The following STPG2 variants were observed in gnomAD, a reference collection of about 807,000 sequenced individuals.
STPG2 encodes sperm tail PG-rich repeat containing 2.
Under a neutral mutation model 54.2 loss-of-function variants are expected in STPG2, and 56 were observed. The observed-to-expected ratio is 1.03, with a 90% confidence interval of 0.83 to 1.29. STPG2 has a LOEUF of 1.29. Among genes scored for constraint, STPG2 ranks in the 50% most tolerant of loss-of-function variants. STPG2 has a pLI of 0.00. For missense variants in STPG2, 596 were observed against 544.9 expected (o/e 1.09, Z -0.93); for synonymous variants, 200 against 181.8 (o/e 1.10, Z -0.81).
At chr4:97,697,816 G>C (rs1384542831) in intron 10 of STPG2, among the ~76,000 whole-genome samples, 1 of 152,206 alleles carries the variant, frequency 6.6e-6, no homozygotes, top group Non-Finnish European at 1.5e-5. Flanking sequence ...ACAAGCAATT[G>C]CATGAGTTAT....
chr4:97,664,127 T>C (rs927649046), intron 10 of STPG2, among the ~76,000 whole-genome samples: 2 of 152,216 alleles, frequency 1.3e-5, no homozygotes, highest in Non-Finnish European at 2.9e-5. Context: ...CATTACTATA[T>C]AGCAGTCCTT....
intron 8 of STPG2, among the ~76,000 whole-genome samples, chr4:97,862,566 G>T (rs1304410617): frequency 2.6e-5 from 4 of 152,000 alleles, no homozygotes; most frequent in Admixed American, 2.6e-4. Context: ...GGATATCCAG[G>T]AATTGAATTC....
At chr4:97,822,404 G>C (rs996003142) in intron 9 of STPG2, among the ~76,000 whole-genome samples, 9 of 152,056 alleles carry the variant, frequency 5.9e-5, no homozygotes, top group Non-Finnish European at 1.2e-4. Context: ...TCATCTTTCT[G>C]TCTTCTTCTA....
chr4:98,052,461 T>G (rs1392070803), intron 5 of STPG2, among the ~76,000 whole-genome samples: 1 of 152,220 alleles, frequency 6.6e-6, no homozygotes, highest in Admixed American at 6.5e-5. Context: ...CTAGCCACTG[T>G]TAATATTTTG....
At chr4:97,905,083 T>C (rs992473206) in intron 8 of STPG2, among the ~76,000 whole-genome samples, 1 of 151,746 alleles carries the variant, frequency 6.6e-6, no homozygotes, top group African/African-American at 2.4e-5. Context: ...AGGCCAACAT[T>C]CAGATTCAGG....
intron 7 of STPG2, among the ~76,000 whole-genome samples, chr4:97,949,001 A>AATGGGGTGTTG (rs1395871852): frequency 6.6e-6 from 1 of 152,118 alleles, no homozygotes; most frequent in African/African-American, 2.4e-5. Flanking sequence ...TACTGCTGTC[A>AATGGGGTGTTG]ATGGGGTGTT....
At chr4:97,748,323 T>C (rs1181856966) in intron 9 of STPG2, among the ~76,000 whole-genome samples, 1 of 151,594 alleles carries the variant, frequency 6.6e-6, no homozygotes, top group African/African-American at 2.4e-5. Context: ...TTAAACAATT[T>C]AGTGAAAAGG....
intron 4 of STPG2, among the ~76,000 whole-genome samples, chr4:97,486,195 C>A (rs1019819951): frequency 6.6e-6 from 1 of 151,816 alleles, no homozygotes; most frequent in Non-Finnish European, 1.5e-5. Context: ...AACTAAAGAG[C>A]TTTTGCTTGG....
chr4:97,757,200 CA>C (rs1725757261), intron 9 of STPG2, among the ~76,000 whole-genome samples: 1 of 152,146 alleles, frequency 6.6e-6, no homozygotes, highest in South Asian at 2.1e-4. Flanking sequence ...CTCTTATTTA[CA>C]ATTCAAGTCC....
At chr4:97,477,678 G>A (rs1022612902) in intron 4 of STPG2, among the ~76,000 whole-genome samples, 9 of 150,488 alleles carry the variant, frequency 6.0e-5, no homozygotes, top group African/African-American at 2.0e-4. Flanking sequence ...TTTTAGTAGA[G>A]ATGGGGTTTC....
chr4:97,859,972 T>C (rs1729464800), intron 8 of STPG2, among the ~76,000 whole-genome samples: 1 of 152,226 alleles, frequency 6.6e-6, no homozygotes, highest in African/African-American at 2.4e-5. Flanking sequence ...CATCATTTGT[T>C]GAGCAGGGTT....
intron 10 of STPG2, among the ~76,000 whole-genome samples, chr4:97,566,900 G>A (rs1202477115): frequency 7.1e-6 from 1 of 141,332 alleles, no homozygotes; most frequent in Non-Finnish European, 1.5e-5. Context: ...TGGGAGGGGG[G>A]AGGGATAGCT....
At chr4:97,637,559 G>C (rs1292308557) in intron 10 of STPG2, among the ~76,000 whole-genome samples, 3 of 152,154 alleles carry the variant, frequency 2.0e-5, no homozygotes, top group Non-Finnish European at 4.4e-5. Flanking sequence ...AATTGTCCCT[G>C]TTTGCTGATG....
intron 10 of STPG2, among the ~76,000 whole-genome samples, chr4:97,662,257 A>T (rs1211579619): frequency 4.6e-5 from 7 of 152,164 alleles, no homozygotes; most frequent in Non-Finnish European, 8.8e-5. Flanking sequence ...ACACACAAGC[A>T]GCCAACAAAC....
intron 10 of STPG2, among the ~76,000 whole-genome samples, chr4:97,704,763 T>A (rs985805841): frequency 2.0e-5 from 3 of 152,070 alleles, no homozygotes; most frequent in African/African-American, 7.2e-5. Context: ...TAAAAGTGAG[T>A]TTGTAAACGG....
intron 5 of STPG2, among the ~76,000 whole-genome samples, chr4:98,066,649 A>G (rs868653703): frequency 2.6e-5 from 4 of 152,190 alleles, no homozygotes; most frequent in Admixed American, 2.0e-4. Flanking sequence ...ATCTAACAAG[A>G]AAATATATCT....
chr4:97,946,408 ATTTG>A (rs1231639034), intron 7 of STPG2, among the ~76,000 whole-genome samples: 1 of 151,974 alleles, frequency 6.6e-6, no homozygotes, highest in Non-Finnish European at 1.5e-5. Context: ...ATTAGGTCTA[ATTTG>A]TTTATTTTTG....
At chr4:97,486,898 A>ACACACAC (rs1257291784) in intron 4 of STPG2, among the ~76,000 whole-genome samples, 1 of 125,300 alleles carries the variant, frequency 8.0e-6, no homozygotes, top group African/African-American at 3.3e-5. Context: ...CACACACACA[A>ACACACAC]TGGAATACTA....
intron 2 of STPG2, among the ~76,000 whole-genome samples, chr4:98,132,496 T>C (rs1422184204): frequency 1.3e-5 from 2 of 152,038 alleles, no homozygotes; most frequent in African/African-American, 4.8e-5. Context: ...TGATATCTTG[T>C]GTTCTAGGAT....
Sources: allele counts gnomAD v4.1 joint callset (sites outside exome capture counted in the v4.1 genomes callset), GRCh38; gene constraint gnomAD v4.1.1; transcripts MANE v1.5; gene names NCBI Gene and HGNC (gene_info 2026-07-23, HGNC 2026-07-21).